Variants in TMEM132D observed in about 807,000 individuals in gnomAD.
The protein encoded by TMEM132D is transmembrane protein 132D.
In TMEM132D, 21 loss-of-function variants were observed where a neutral mutation model predicts 62.3. That is an observed-to-expected ratio of 0.34 (90% CI 0.24 to 0.49). TMEM132D has a LOEUF of 0.49. Among genes scored for constraint, TMEM132D ranks in the 20% least tolerant of loss-of-function variants. The pLI is 0.99. For missense variants in TMEM132D, 1,346 were observed against 1,402.8 expected, an observed-to-expected ratio of 0.96 and a Z score of 0.65; for synonymous variants, 621 against 575.6, an observed-to-expected ratio of 1.08 and a Z score of -1.13.
chr12:129,778,020 C>T (rs183936365), intron 1 of TMEM132D, among the ~76,000 whole-genome samples: 1 of 147,404 alleles, frequency 6.8e-6, no homozygotes, highest in African/African-American at 2.5e-5. Flanking sequence ...ACTTCTAAGG[C>T]AGGAGGATCA....
intron 2 of TMEM132D, among the ~76,000 whole-genome samples, chr12:129,584,246 T>C (rs1040649393): frequency 3.9e-5 from 6 of 152,234 alleles, no homozygotes; most frequent in African/African-American, 1.4e-4. Flanking sequence ...TCTCCCCAGA[T>C]GCAATTTCTG....
intron 5 of TMEM132D, among the ~76,000 whole-genome samples, chr12:129,132,615 C>A (rs1045674641): frequency 1.3e-5 from 2 of 152,188 alleles, no homozygotes; most frequent in African/African-American, 4.8e-5. Flanking sequence ...CTCACCCTGG[C>A]AACTGGCCTT....
chr12:129,380,844 T>A lies in TMEM132D; in HGVS notation c.1116-43027A>T, dbSNP rs141360983. On this transcript the variant is annotated intron_variant, in intron 3 of 8. Coordinates refer to ENST00000422113, the MANE Select transcript of TMEM132D (RefSeq NM_133448.3). ...GTATGTAACCTTTTAGAACTAGAATTTTTTTTCACTCAGCATAACTTTCTG... is the reference window on the plus strand; with the variant it reads ...GTATGTAACCTTTTAGAACTAGAATATTTTTTCACTCAGCATAACTTTCTG... Among the ~76,000 whole-genome samples the A allele has an allele frequency of 2.2e-4, 33 of 152,312 alleles. 1 individual carries two copies. The East Asian group carries it at 4.2e-3, about 20-fold the overall frequency.
intron 5 of TMEM132D, among the ~76,000 whole-genome samples, chr12:129,131,504 G>T (rs1356542911): frequency 6.6e-6 from 1 of 152,186 alleles, no homozygotes; most frequent in Non-Finnish European, 1.5e-5. Context: ...CTACATAGGA[G>T]GCTGAGGCAG....
intron 2 of TMEM132D, among the ~76,000 whole-genome samples, chr12:129,688,958 T>C (rs552062450): frequency 2.6e-5 from 4 of 152,148 alleles, no homozygotes; most frequent in Non-Finnish European, 5.9e-5. Flanking sequence ...TTGCGTCCCT[T>C]GGGGATATCT....
chr12:129,622,465 G>A (rs1337920379), intron 2 of TMEM132D, among the ~76,000 whole-genome samples: 1 of 152,120 alleles, frequency 6.6e-6, no homozygotes. Context: ...CCTAGGTAGA[G>A]GTTCAAGGAA....
chr12:129,312,777 C>A (rs774013081), intron 4 of TMEM132D, among the ~76,000 whole-genome samples: 27 of 152,098 alleles, frequency 1.8e-4, no homozygotes, highest in Non-Finnish European at 3.2e-4. Context: ...AAATTCTTGC[C>A]CCCTCCATCC....
intron 3 of TMEM132D, among the ~76,000 whole-genome samples, chr12:129,428,130 G>T (rs1009302503): frequency 3.9e-5 from 6 of 152,188 alleles, no homozygotes; most frequent in Non-Finnish European, 5.9e-5. Context: ...AAACCAGGAA[G>T]ATGAAAGGTC....
intron 4 of TMEM132D, among the ~76,000 whole-genome samples, chr12:129,317,913 C>T (rs888612330): frequency 2.0e-5 from 3 of 152,056 alleles, no homozygotes; most frequent in Non-Finnish European, 4.4e-5. Flanking sequence ...GAATTTCTTT[C>T]TTCTACTTGT....
At chr12:129,465,584 C>T (rs1179449101) in intron 3 of TMEM132D, among the ~76,000 whole-genome samples, 2 of 152,196 alleles carry the variant, frequency 1.3e-5, no homozygotes, top group Non-Finnish European at 2.9e-5. Flanking sequence ...AGCTGATAAG[C>T]AACTTCAGCA....
At chr12:129,613,349 C>G (rs749582166) in intron 2 of TMEM132D, among the ~76,000 whole-genome samples, 1 of 152,104 alleles carries the variant, frequency 6.6e-6, no homozygotes, top group Admixed American at 6.5e-5. Flanking sequence ...TTGATGGAGC[C>G]GCTCCTCTAT....
chr12:129,337,432 T>TACACACATGCAC (rs1869320078), intron 4 of TMEM132D, among the ~76,000 whole-genome samples: 1 of 109,648 alleles, frequency 9.1e-6, no homozygotes, highest in Admixed American at 1.2e-4. Flanking sequence ...TAGATATAGA[T>TACACACATGCAC]ACACACACGC....
At position 129,373,065 on chromosome 12, in the gene TMEM132D, C is replaced by T. The variant is rs199912871; in HGVS notation, c.1116-35248G>A. On this transcript the variant is annotated intron_variant, in intron 3 of 8. Coordinates refer to ENST00000422113, the MANE Select transcript of TMEM132D (RefSeq NM_133448.3). The stretch of plus-strand genomic sequence containing the variant: ...GAGAGACCGACTTCCTGGTTCAAAG[C>T]CTGGGATAACACACTATTGCAAATA... Among the ~76,000 whole-genome samples the T allele has an allele frequency of 3.9e-5, 6 of 152,104 alleles. No homozygotes were observed. The East Asian group carries it at 1.2e-3, about 29-fold the overall frequency.
At chr12:129,654,958 T>G (rs564178154) in intron 2 of TMEM132D, among the ~76,000 whole-genome samples, 1 of 152,236 alleles carries the variant, frequency 6.6e-6, no homozygotes, top group South Asian at 2.1e-4. Context: ...CTTTTTTTTT[T>G]CCTTTTTGAG....
chr12:129,422,385 G>A (rs1329035471), intron 3 of TMEM132D, among the ~76,000 whole-genome samples: 1 of 152,160 alleles, frequency 6.6e-6, no homozygotes, highest in African/African-American at 2.4e-5. Flanking sequence ...CAAAAAATTA[G>A]CAGAGGATGT....
At chr12:129,685,622 C>T (rs925179691) in intron 2 of TMEM132D, among the ~76,000 whole-genome samples, 1 of 152,160 alleles carries the variant, frequency 6.6e-6, no homozygotes, top group Non-Finnish European at 1.5e-5. Context: ...ACACAGAGTC[C>T]CCACTGGGGT....
chr12:129,425,975 A>G (rs574792003), intron 3 of TMEM132D, among the ~76,000 whole-genome samples: 4 of 152,316 alleles, frequency 2.6e-5, no homozygotes, highest in African/African-American at 9.6e-5. Context: ...TGAGAATAGG[A>G]TGTTGCTATG....
chr12:129,619,590 G>A (rs796817046), intron 2 of TMEM132D, among the ~76,000 whole-genome samples: 4 of 152,188 alleles, frequency 2.6e-5, no homozygotes, highest in African/African-American at 4.8e-5. Context: ...TTTAACTTCC[G>A]CCAAATTGCC....
chr12:129,641,563 T>A (rs576788163), intron 2 of TMEM132D, among the ~76,000 whole-genome samples: 56 of 152,298 alleles, frequency 3.7e-4, no homozygotes, highest in African/African-American at 1.3e-3. Context: ...CTCACAAATT[T>A]CATGTCATTT....
Sources: allele counts gnomAD v4.1 joint callset (sites outside exome capture counted in the v4.1 genomes callset), GRCh38; gene constraint gnomAD v4.1.1; transcripts MANE v1.5; gene names NCBI Gene and HGNC (gene_info 2026-07-23, HGNC 2026-07-21).